Variants in NRCAM observed in about 807,000 individuals in gnomAD.
The protein encoded by NRCAM is neuronal cell adhesion molecule.
NRCAM carries 83 observed loss-of-function variants against 156.5 expected under a neutral mutation model. The observed-to-expected ratio is 0.53, with a 90% CI of 0.44 to 0.64. The LOEUF (loss-of-function observed/expected upper bound fraction) is 0.64. Ranked by LOEUF, NRCAM falls within the 30% of genes least tolerant of loss-of-function variation. NRCAM has a pLI of 0.00. For synonymous variants in NRCAM, 538 were observed against 563.9 expected, an observed-to-expected ratio of 0.95 and a Z score of 0.65; for missense variants, 1,417 against 1,597.3, an observed-to-expected ratio of 0.89 and a Z score of 1.92.
chr7:108,254,550 G>C (rs1230367409), intron 3 of NRCAM, among the ~76,000 whole-genome samples: 1 of 100,222 alleles, frequency 1.0e-5, no homozygotes, highest in Non-Finnish European at 2.0e-5. Flanking sequence ...AAACAATTTT[G>C]CTTTTTTTTT....
At chr7:108,359,291 G>T (rs2099532000) in intron 2 of NRCAM, among the ~76,000 whole-genome samples, 1 of 152,134 alleles carries the variant, frequency 6.6e-6, no homozygotes, top group Admixed American at 6.5e-5. Flanking sequence ...ACAGTGCTTG[G>T]CACATTGTGA....
At chr7:108,378,723 A>G (rs2099687747) in intron 2 of NRCAM, among the ~76,000 whole-genome samples, 1 of 151,542 alleles carries the variant, frequency 6.6e-6, no homozygotes, top group African/African-American at 2.4e-5. Flanking sequence ...GAAATTTCAG[A>G]AATCCAAAGG....
intron 26 of NRCAM, 55 bp from the exon 27 acceptor site, chr7:108,176,661 C>G: frequency 1.5e-6 from 2 of 1,318,660 alleles, no homozygotes; most frequent in Non-Finnish European, 1.1e-6. Flanking sequence ...TATAGGAATA[C>G]TATTATAAAT....
At chr7:108,364,533 A>G (rs2099579934) in intron 2 of NRCAM, among the ~76,000 whole-genome samples, 1 of 152,200 alleles carries the variant, frequency 6.6e-6, no homozygotes, top group Non-Finnish European at 1.5e-5. Flanking sequence ...GAAAGCATAT[A>G]TCCACACAAA....
chr7:108,165,195 A>G (rs1211464372), intron 30 of NRCAM, among the ~76,000 whole-genome samples: 1 of 152,202 alleles, frequency 6.6e-6, no homozygotes, highest in African/African-American at 2.4e-5. Flanking sequence ...CCTTTCTGAG[A>G]CAGCCTGTCC....
At chr7:108,215,697 G>T (rs2088011767) in intron 11 of NRCAM, among the ~76,000 whole-genome samples, 1 of 147,564 alleles carries the variant, frequency 6.8e-6, no homozygotes. Context: ...CTGGTTTAAA[G>T]TCTGTTTTAT....
chr7:108,395,447 A>G (rs1030098404), intron 2 of NRCAM, among the ~76,000 whole-genome samples: 4 of 152,324 alleles, frequency 2.6e-5, no homozygotes, highest in Admixed American at 2.0e-4. Context: ...ATTTGTACCC[A>G]AAGTTAGTAG....
At chr7:108,293,982 C>T (rs969621173) in intron 3 of NRCAM, among the ~76,000 whole-genome samples, 2 of 152,056 alleles carry the variant, frequency 1.3e-5, no homozygotes, top group African/African-American at 4.8e-5. Flanking sequence ...GGAGTTTGCA[C>T]CCTAAATTTC....
Position 108,231,137 on chromosome 7 carries a change from G to A in NRCAM, c.444C>T (p.Thr148=). ...GTGTGATTGGTTCAAGTTTTTCTTT[G>A]GTCCACAATGGTGATCCTATTAAAT... The part of the protein sequence containing the change: ...VVRPSRSPLW[T]KEKLEPITLQ... Residue 148 remains threonine, a synonymous_variant, in exon 8 of 33, where the codon ACC becomes ACT. Coordinates refer to ENST00000379028, the MANE Select transcript of NRCAM (RefSeq NM_001037132.4). 1.3e-6 allele frequency: 2 copies of A among 1,595,692 alleles called. No homozygotes were observed. The highest frequency in any genetic ancestry group is 1.7e-6 in the Non-Finnish European group (2 of 1,173,744).
chr7:108,375,985 A>C (rs1038111758), intron 2 of NRCAM, among the ~76,000 whole-genome samples: 2 of 152,194 alleles, frequency 1.3e-5, no homozygotes, highest in Non-Finnish European at 1.5e-5. Flanking sequence ...TTTGGTTTTG[A>C]TATTAAATTG....
At chr7:108,280,027 C>T (rs2154084035) in intron 3 of NRCAM, among the ~76,000 whole-genome samples, 1 of 152,332 alleles carries the variant, frequency 6.6e-6, no homozygotes, top group Admixed American at 6.5e-5. Context: ...CCTGGTCCAA[C>T]ATTCACCATC....
chr7:108,201,660 G>A (rs1352423335), intron 13 of NRCAM, among the ~76,000 whole-genome samples: 1 of 152,178 alleles, frequency 6.6e-6, no homozygotes, highest in African/African-American at 2.4e-5. Flanking sequence ...TTTTCCCCAA[G>A]TGGAGACTCA....
intron 4 of NRCAM, 70 bp downstream of exon 4, chr7:108,239,889 T>C (rs2153806105): frequency 1.1e-6 from 1 of 951,144 alleles, no homozygotes; most frequent in East Asian, 2.4e-5. Flanking sequence ...ATTCACGCAG[T>C]TCAGAGTGAT....
At chr7:108,178,224 T>A in intron 25 of NRCAM, 112 bp from the exon 26 acceptor site, 1 of 1,071,134 alleles carries the variant, frequency 9.3e-7, no homozygotes, top group Non-Finnish European at 1.3e-6. Context: ...CAGTAACTCA[T>A]TCCTGATTCA....
At chr7:108,349,730 C>T (rs560325381) in intron 2 of NRCAM, among the ~76,000 whole-genome samples, 42 of 152,228 alleles carry the variant, frequency 2.8e-4, no homozygotes, top group South Asian at 2.1e-3. Flanking sequence ...CACAATATGA[C>T]GTTTCTTACT....
chr7:108,328,997 T>G (rs1186951732), intron 2 of NRCAM, among the ~76,000 whole-genome samples: 1 of 152,182 alleles, frequency 6.6e-6, no homozygotes, highest in African/African-American at 2.4e-5. Flanking sequence ...CTCACAACAG[T>G]CATTTCTGAT....
At chr7:108,220,555 C>A (rs2091875400) in intron 11 of NRCAM, among the ~76,000 whole-genome samples, 1 of 152,120 alleles carries the variant, frequency 6.6e-6, no homozygotes, top group Admixed American at 6.6e-5. Flanking sequence ...ATACTTACAG[C>A]CAACTGATCT....
At chr7:108,318,309 T>A (rs2154197585) in intron 2 of NRCAM, among the ~76,000 whole-genome samples, 1 of 152,178 alleles carries the variant, frequency 6.6e-6, no homozygotes, top group African/African-American at 2.4e-5. Flanking sequence ...CCTCCCAAAG[T>A]GTTGGGATTA....
chr7:108,320,677 G>T (rs1464444686), intron 2 of NRCAM, among the ~76,000 whole-genome samples: 1 of 152,252 alleles, frequency 6.6e-6, no homozygotes, highest in Non-Finnish European at 1.5e-5. Context: ...AAGTGACAAA[G>T]GAAACTTAAC....
Sources: gnomAD v4.1 joint callset for allele counts (sites outside exome capture counted in the v4.1 genomes callset) on GRCh38, gnomAD v4.1.1 for gene constraint, MANE v1.5 for transcripts, NCBI Gene and HGNC (gene_info 2026-07-23, HGNC 2026-07-21) for gene names.